USH2A: variants seen among roughly 807,000 people sequenced by gnomAD.
The protein encoded by USH2A is usherin.
Under a neutral mutation model 538.9 loss-of-function variants are expected in USH2A, and 443 were observed. The ratio of observed to expected loss-of-function variants is 0.82; its 90% CI spans 0.76 to 0.89. The LOEUF is 0.89. Ranked by LOEUF, USH2A falls within the 40% of genes least tolerant of loss-of-function variation. USH2A has a pLI of 0.00. For synonymous variants in USH2A, 2,413 were observed against 2,273.5 expected, an observed-to-expected ratio of 1.06 and a Z score of -1.75; for missense variants, 6,633 against 6,324.8, an observed-to-expected ratio of 1.05 and a Z score of -1.65.
In USH2A at chr1:216,330,573, G is replaced by A. The variant is rs374244302; in HGVS notation, c.785-2919C>T. ...GCATCCTGGAGCAGAATAAAAGGGG[G>A]GAGGTTATTAGAAGGTTAGGTCAGA... On this transcript the variant is annotated intron_variant, in intron 4 of 71. Coordinates refer to ENST00000307340, the MANE Select transcript of USH2A (RefSeq NM_206933.4). 2.6e-4 allele frequency among the ~76,000 whole-genome samples: 40 copies of A among 152,012 alleles called. No individual in the cohort carries two copies. In the South Asian group the frequency reaches 3.9e-3, roughly 15 times the overall value.
intron 21 of USH2A, among the ~76,000 whole-genome samples, chr1:216,107,689 T>TA (rs1485079689): frequency 6.6e-6 from 1 of 151,004 alleles, no homozygotes; most frequent in Non-Finnish European, 1.5e-5. Context: ...TCTTCTTCTT[T>TA]TTTTTTTTTG....
At chr1:216,356,641 G>A (rs1351347373) in intron 4 of USH2A, among the ~76,000 whole-genome samples, 1 of 151,988 alleles carries the variant, frequency 6.6e-6, no homozygotes, top group Non-Finnish European at 1.5e-5. Context: ...TACATAGAAA[G>A]AGACATATTT....
At chr1:216,248,220 A>G (rs2036090342) in intron 12 of USH2A, among the ~76,000 whole-genome samples, 1 of 152,102 alleles carries the variant, frequency 6.6e-6, no homozygotes, top group Admixed American at 6.6e-5. Context: ...ACACATATAC[A>G]TTTTACGAAT....
chr1:216,097,921 C>T lies in USH2A; in HGVS notation c.4628-708G>A, dbSNP rs372307548. Reference sequence around the variant, plus strand: ...CCTATGAATGATGTCACCCCCCTACCATTACATGGCCCCATCTCCAGTCCT... The same window carrying T: ...CCTATGAATGATGTCACCCCCCTACTATTACATGGCCCCATCTCCAGTCCT... On this transcript the variant is annotated intron_variant, in intron 21 of 71. Transcript: ENST00000307340. Among the ~76,000 whole-genome samples the T allele has an allele frequency of 2.6e-5, 4 of 151,600 alleles. No individual in the cohort carries two copies. The South Asian group carries it at 8.4e-4, about 32-fold the overall frequency.
chr1:215,680,474 A>G (rs1243622438), intron 61 of USH2A, 98 bp from the exon 62 acceptor site: 3 of 1,159,640 alleles, frequency 2.6e-6, no homozygotes, highest in South Asian at 2.5e-5. Context: ...CAAAGCTTGT[A>G]GGCAACAGCA....
chr1:216,174,323 T>A (rs1012099069), intron 21 of USH2A: 1 of 979,712 alleles, frequency 1.0e-6, no homozygotes, highest in Non-Finnish European at 1.2e-6. Context: ...ACTTTGTAAA[T>A]TTTTTTAAAA....
chr1:216,087,164 A>G (rs920890839), intron 23 of USH2A, among the ~76,000 whole-genome samples: 1 of 152,136 alleles, frequency 6.6e-6, no homozygotes. Context: ...ATAACAATGG[A>G]AATCCCTGTT....
intron 44 of USH2A, among the ~76,000 whole-genome samples, chr1:215,858,823 CA>C (rs1291438716): frequency 1.3e-5 from 2 of 151,998 alleles, no homozygotes; most frequent in African/African-American, 2.4e-5. Context: ...ATAATTTTAA[CA>C]GTAGTTAGAT....
In USH2A at chr1:215,639,220, A is replaced by T. The variant is rs1286496621; in HGVS notation, c.14987T>A (p.Ile4996Asn). 6.2e-7 allele frequency: 1 copy of T among 1,614,178 alleles called. No individual in the cohort carries two copies. The highest frequency in any genetic ancestry group is 8.5e-7 in the Non-Finnish European group (1 of 1,180,020). The change falls in exon 69 of 72, where the codon ATC becomes AAC. Residue 4996 changes from isoleucine to asparagine, a missense_variant. Transcript: ENST00000307340. ...AACACTTCCTTCGTCAGTCGTGCAGATGACCTGGAAAAAGAAGGCTAGACA... is the reference window on the plus strand; with the variant it reads ...AACACTTCCTTCGTCAGTCGTGCAGTTGACCTGGAAAAAGAAGGCTAGACA... ...TADKTFFFQV[I>N]CTTDEGSVKT...
intron 61 of USH2A, among the ~76,000 whole-genome samples, chr1:215,686,848 A>AT: frequency 6.6e-6 from 1 of 152,258 alleles, no homozygotes; most frequent in African/African-American, 2.4e-5. Context: ...TTCTTTATGG[A>AT]ACGTTCACTC....
chr1:216,389,388 T>C (rs1387688086), intron 3 of USH2A, among the ~76,000 whole-genome samples: 1 of 152,202 alleles, frequency 6.6e-6, no homozygotes, highest in Non-Finnish European at 1.5e-5. Context: ...TTCTATGATG[T>C]TGTTGGTTCA....
At position 215,629,055 on chromosome 1, in the gene USH2A, G is replaced by T. The variant is rs1330368226; in HGVS notation, c.15298-20C>A. 2 of 1,606,724 alleles carry T rather than the reference G, an allele frequency of 1.2e-6. No individual in the cohort carries two copies. Among genetic ancestry groups the T allele is most frequent in the Non-Finnish European group, 1.7e-6 (2 of 1,174,934 alleles). On this transcript the variant is annotated intron_variant, in intron 70 of 71. Transcript: ENST00000307340. Reference sequence around the variant, plus strand: ...TAACCCCTGAGAAGGAAGTTGCTGTGAGTATTTCACATATAAAGAATATGG... The same window carrying T: ...TAACCCCTGAGAAGGAAGTTGCTGTTAGTATTTCACATATAAAGAATATGG...
intron 21 of USH2A, among the ~76,000 whole-genome samples, chr1:216,167,237 A>C (rs944338466): frequency 2.0e-5 from 3 of 152,056 alleles, no homozygotes; most frequent in African/African-American, 7.2e-5. Flanking sequence ...ACCGCCCCCC[A>C]CAACGCCCCA....
chr1:216,218,072 T>C (rs553589773), intron 14 of USH2A, among the ~76,000 whole-genome samples: 12 of 152,234 alleles, frequency 7.9e-5, no homozygotes, highest in African/African-American at 2.9e-4. Flanking sequence ...GAAAATTGCT[T>C]GAGAAAGACA....
At chr1:216,268,248 T>C (rs2102576883) in intron 11 of USH2A, among the ~76,000 whole-genome samples, 1 of 152,148 alleles carries the variant, frequency 6.6e-6, no homozygotes, top group East Asian at 1.9e-4. Context: ...CTAAATGATA[T>C]AAATTCCTGG....
At chr1:216,404,379 G>A (rs577782652) in intron 3 of USH2A, among the ~76,000 whole-genome samples, 1 of 152,190 alleles carries the variant, frequency 6.6e-6, no homozygotes, top group South Asian at 2.1e-4. Context: ...AGTAGAAGGA[G>A]TCGCTCTACT....
At chr1:215,791,023 G>A (rs905898932) in intron 50 of USH2A, among the ~76,000 whole-genome samples, 5 of 152,082 alleles carry the variant, frequency 3.3e-5, no homozygotes, top group African/African-American at 1.2e-4. Context: ...ACATCTAAAC[G>A]AAAGACACAC....
intron 11 of USH2A, among the ~76,000 whole-genome samples, chr1:216,287,931 G>A (rs2036918176): frequency 6.6e-6 from 1 of 152,118 alleles, no homozygotes; most frequent in African/African-American, 2.4e-5. Context: ...ACATTTATGT[G>A]ACAAATACTT....
chr1:216,300,499 A>T (rs1032948023), intron 9 of USH2A, among the ~76,000 whole-genome samples: 1 of 152,222 alleles, frequency 6.6e-6, no homozygotes, highest in Non-Finnish European at 1.5e-5. Context: ...AGTTGCAGCC[A>T]AATACTTTGA....
Sources: gnomAD v4.1 joint callset for allele counts (sites outside exome capture counted in the v4.1 genomes callset) on GRCh38, gnomAD v4.1.1 for gene constraint, MANE v1.5 for transcripts, NCBI Gene and HGNC (gene_info 2026-07-23, HGNC 2026-07-21) for gene names.